Variants in ACAP2 observed in about 807,000 individuals in gnomAD.
ACAP2 encodes ArfGAP with coiled-coil, ankyrin repeat and PH domains 2, also known as arf-GAP with coiled-coil, ANK repeat and PH domain-containing protein 2.
In ACAP2, 39 loss-of-function variants were observed where a neutral mutation model predicts 115.8. That is an observed-to-expected ratio of 0.34 (90% CI 0.26 to 0.44). The LOEUF (loss-of-function observed/expected upper bound fraction) is 0.44, where lower values mean the gene tolerates loss of function less well. Among genes scored for constraint, ACAP2 ranks in the 20% least tolerant of loss-of-function variants. The probability of loss-of-function intolerance (pLI) is 1.00; values close to 1 mark genes in which losing one functional copy is unlikely to be tolerated. For missense variants in ACAP2, 662 were observed against 927.6 expected, an observed-to-expected ratio of 0.71 and a Z score of 3.72; for synonymous variants, 289 against 315.8, an observed-to-expected ratio of 0.92 and a Z score of 0.90.
At chr3:195,356,588 G>C (rs1461001565) in intron 4 of ACAP2, among the ~76,000 whole-genome samples, 1 of 152,108 alleles carries the variant, frequency 6.6e-6, no homozygotes, top group African/African-American at 2.4e-5. Context: ...CCTTCTCCTT[G>C]AGAAGAGGAG....
intron 22 of ACAP2, chr3:195,282,758 A>G (rs568813253): frequency 4.6e-5 from 7 of 152,232 alleles, no homozygotes; most frequent in African/African-American, 7.2e-5. Flanking sequence ...ACTTAACCAC[A>G]TTCTATTTCC....
intron 11 of ACAP2, 131 bp downstream of exon 11, chr3:195,308,655 G>T: frequency 1.3e-6 from 1 of 778,206 alleles, no homozygotes; most frequent in Non-Finnish European, 2.0e-6. Context: ...TCTTATACCT[G>T]CTCAAACATA....
intron 1 of ACAP2, among the ~76,000 whole-genome samples, chr3:195,418,880 G>GT (rs1713948025): frequency 6.6e-6 from 1 of 152,178 alleles, no homozygotes; most frequent in Admixed American, 6.5e-5. Context: ...CTACATAAGT[G>GT]TTTTGTAGTG....
At chr3:195,429,306 T>TG (rs925847784) in intron 1 of ACAP2, among the ~76,000 whole-genome samples, 6 of 148,470 alleles carry the variant, frequency 4.0e-5, no homozygotes, top group Non-Finnish European at 7.4e-5. Context: ...GAGAACAGCT[T>TG]GAACCCAGGA....
intron 15 of ACAP2, among the ~76,000 whole-genome samples, chr3:195,299,341 A>T (rs898863641): frequency 7.1e-6 from 1 of 140,730 alleles, no homozygotes; most frequent in East Asian, 2.2e-4. Flanking sequence ...AGGCCGAGGC[A>T]GGCAGATCAC....
At chr3:195,357,096 T>C (rs1347293472) in intron 4 of ACAP2, among the ~76,000 whole-genome samples, 1 of 151,872 alleles carries the variant, frequency 6.6e-6, no homozygotes. Flanking sequence ...GGGAACTCAC[T>C]GCCCTGAAGG....
chr3:195,301,840 A>G (rs1056847437), intron 14 of ACAP2, 126 bp downstream of exon 14: 1 of 1,262,130 alleles, frequency 7.9e-7, no homozygotes, highest in Non-Finnish European at 1.1e-6. Flanking sequence ...ACTTCTTAAA[A>G]GGTACAAAGA....
intron 6 of ACAP2, 98 bp downstream of exon 6, chr3:195,342,373 G>C (rs1730935146): frequency 2.5e-6 from 3 of 1,212,476 alleles, no homozygotes; most frequent in Non-Finnish European, 2.2e-6. Flanking sequence ...TTTAAGTTCA[G>C]AGTAAAAGTA....
chr3:195,440,509 T>C (rs1294328349), intron 1 of ACAP2, among the ~76,000 whole-genome samples: 1 of 152,168 alleles, frequency 6.6e-6, no homozygotes, highest in Admixed American at 6.5e-5. Context: ...CATTTATGAA[T>C]AAAGACACGT....
intron 1 of ACAP2, among the ~76,000 whole-genome samples, chr3:195,416,653 A>T (rs1043286849): frequency 5.9e-5 from 9 of 152,166 alleles, no homozygotes; most frequent in Admixed American, 6.5e-5. Context: ...TTTCACAAAG[A>T]AAAATAGGAA....
At chr3:195,295,633 T>G in intron 17 of ACAP2, 75 bp downstream of exon 17, 1 of 1,496,562 alleles carries the variant, frequency 6.7e-7, no homozygotes, top group South Asian at 1.2e-5. Context: ...CGACAATGGC[T>G]ATTAGTTCAG....
At chr3:195,385,078 A>T (rs1457192392) in intron 2 of ACAP2, among the ~76,000 whole-genome samples, 1 of 151,994 alleles carries the variant, frequency 6.6e-6, no homozygotes, top group Admixed American at 6.6e-5. Flanking sequence ...CAATGGTACC[A>T]AACCATATAT....
rs78604900 is a variant in ACAP2 at position 195,369,225 on chromosome 3, C to A, written c.285+11784G>T. On this transcript the variant is annotated intron_variant, in intron 4 of 22. Transcript: ENST00000326793. ...CTGATCATACGTAATATTTATGACA[C>A]TGACTAAAATGAATTATTGTTTTGT... 1.4e-4 allele frequency among the ~76,000 whole-genome samples: 21 copies of A among 152,168 alleles called. No individual in the cohort carries two copies. The East Asian group carries it at 2.3e-3, about 17-fold the overall frequency.
intron 10 of ACAP2, among the ~76,000 whole-genome samples, chr3:195,317,728 A>C (rs1321570131): frequency 6.6e-6 from 1 of 152,218 alleles, no homozygotes; most frequent in South Asian, 2.1e-4. Context: ...TTTGGTAGCC[A>C]TCAAGTTTAG....
chr3:195,391,566 C>T (rs1043254585), intron 2 of ACAP2, among the ~76,000 whole-genome samples: 2 of 152,068 alleles, frequency 1.3e-5, no homozygotes, highest in African/African-American at 4.8e-5. Flanking sequence ...GTTTAGTGAG[C>T]TTTGAAGTCA....
chr3:195,401,832 A>C (rs947235042), intron 1 of ACAP2, among the ~76,000 whole-genome samples: 2 of 152,122 alleles, frequency 1.3e-5, no homozygotes, highest in African/African-American at 4.8e-5. Context: ...TGTTTAAAAA[A>C]CCGTTTTACA....
chr3:195,352,651 T>C (rs890533385), intron 4 of ACAP2, among the ~76,000 whole-genome samples: 6 of 152,218 alleles, frequency 3.9e-5, no homozygotes, highest in Admixed American at 3.3e-4. Context: ...CTTTAAAATA[T>C]GACAACAAAT....
intron 1 of ACAP2, among the ~76,000 whole-genome samples, chr3:195,400,022 T>C (rs1010431767): frequency 2.6e-5 from 4 of 151,372 alleles, no homozygotes; most frequent in Non-Finnish European, 5.9e-5. Context: ...CTACTAAAAA[T>C]ACAAAATTAG....
At chr3:195,326,814 T>C in intron 9 of ACAP2, 71 bp downstream of exon 9, 1 of 1,300,984 alleles carries the variant, frequency 7.7e-7, no homozygotes, top group Admixed American at 1.8e-5. Context: ...AATACAATGA[T>C]ACCTTGCATA....
Sources: allele counts gnomAD v4.1 joint callset (sites outside exome capture counted in the v4.1 genomes callset), GRCh38; gene constraint gnomAD v4.1.1; transcripts MANE v1.5; gene names NCBI Gene and HGNC (gene_info 2026-07-23, HGNC 2026-07-21).